ZNF213: variants seen among roughly 807,000 people sequenced by gnomAD.
The protein encoded by ZNF213 is zinc finger protein 213, also known as putative transcription factor CR53.
A neutral mutation model predicts 46.0 loss-of-function variants in ZNF213; 32 were observed. The observed-to-expected ratio is 0.70, with a 90% CI of 0.52 to 0.93. The LOEUF is 0.93. ZNF213 is among the 40% of genes least tolerant of loss of function. ZNF213 has a pLI of 0.00. For missense variants in ZNF213, 639 were observed against 652.8 expected (o/e 0.98, Z 0.23); for synonymous variants, 297 against 271.0 (o/e 1.10, Z -0.94).
At chr16:3,135,880 C>T (rs1312113293) in intron 1 of ZNF213, among the ~76,000 whole-genome samples, 1 of 147,972 alleles carries the variant, frequency 6.8e-6, no homozygotes, top group African/African-American at 2.5e-5. Context: ...ACTCTGTTGC[C>T]CAGGCTGGAG....
rs995781013 is a variant in ZNF213 at position 3,139,044 on chromosome 16, C to T, written c.667C>T (p.Gln223Ter). The T allele has an allele frequency of 4.3e-6, 7 of 1,614,000 alleles. No homozygotes were observed. The highest frequency in any genetic ancestry group is 5.9e-6 in the Non-Finnish European group (7 of 1,180,002). The change falls in exon 5 of 6, where the codon CAG (glutamine) becomes TAG (stop). Residue 223 changes from glutamine (Q) to a stop codon, truncating the protein, a stop_gained. Transcript: ENST00000396878. LOFTEE classifies it high-confidence loss of function. The stretch of plus-strand genomic sequence containing the variant: ...AGAATGGGGCACCCTGGACCCTGCT[C>T]AGCGGGATCTCTTCTGGGACATAAA... ...REEWGTLDPA[Q>*]RDLFWDIKRE... is the part of the protein sequence containing the mutation.
chr16:3,137,818 A>AGTG (rs1957558275), intron 2 of ZNF213, 139 bp downstream of exon 2: 1 of 1,063,722 alleles, frequency 9.4e-7, no homozygotes, highest in Non-Finnish European at 1.3e-6. Context: ...ACACAAGCAC[A>AGTG]GTGTGCCATG....
At chr16:3,135,916 G>A (rs1039720811) in intron 1 of ZNF213, among the ~76,000 whole-genome samples, 4 of 137,244 alleles carry the variant, frequency 2.9e-5, no homozygotes, top group Non-Finnish European at 6.1e-5. Flanking sequence ...ATAGCTCATT[G>A]CAACCTCAAA....
At chr16:3,138,215 G>C (rs767805787) in intron 2 of ZNF213, 3 of 1,040,482 alleles carry the variant, frequency 2.9e-6, no homozygotes, top group South Asian at 1.7e-5. Context: ...TTCTTGCCTC[G>C]TGAATGATCG....
Position 3,138,752 on chromosome 16 carries a change from T to C in ZNF213, c.531T>C (p.Pro177=), listed in dbSNP as rs376310718. The C allele has an allele frequency of 1.9e-6, 3 of 1,614,072 alleles. No homozygotes were observed. Among genetic ancestry groups the C allele is most frequent in the South Asian group, 2.2e-5 (2 of 91,092 alleles). Reference sequence around the variant, plus strand: ...TCCATTCTTCTCCTTCAGCCCAGCCTCCTGCTCTTCTTAAAGAGGGTCGTC... The same window carrying C: ...TCCATTCTTCTCCTTCAGCCCAGCCCCCTGCTCTTCTTAAAGAGGGTCGTC... ...PQEQHSHSAQ[P]PALLKEGRPG... Residue 177 remains proline, a synonymous_variant, in exon 4 of 6, where the codon CCT becomes CCC. Transcript: ENST00000396878.
At position 3,141,379 on chromosome 16, in the gene ZNF213, C is replaced by T; in HGVS notation, c.*32C>T. On this transcript the variant is annotated 3_prime_UTR_variant, in exon 6 of 6. Transcript: ENST00000396878. ...GGCTTGGCCGGAAACCCGGGGGAGG[C>T]CCAGCCACGGCACATCCTGCTTTGT... is the stretch of plus-strand genomic sequence containing the variant. 1 of 1,519,750 alleles carries T rather than the reference C, an allele frequency of 6.6e-7. No individual in the cohort carries two copies. The highest frequency in any genetic ancestry group is 8.8e-7 in the Non-Finnish European group (1 of 1,139,560). The allele number at this position is 1,519,750 out of a possible 1,614,324, so 94.1% of individuals were successfully genotyped here.
intron 5 of ZNF213, chr16:3,139,545 G>T (rs1957579051): frequency 5.6e-6 from 1 of 179,288 alleles, no homozygotes; most frequent in Admixed American, 5.9e-5. Context: ...GCACTTACCA[G>T]GTTCCTCTCC....
At chr16:3,138,887 T>C in intron 4 of ZNF213, 69 bp downstream of exon 4, 1 of 1,613,000 alleles carries the variant, frequency 6.2e-7, no homozygotes, top group Non-Finnish European at 8.5e-7. Context: ...TGGGACTTGC[T>C]GTCCCATCAG....
chr16:3,140,875 C>A lies in ZNF213; in HGVS notation c.908C>A (p.Thr303Asn), dbSNP rs774263199. 2 of 1,575,312 alleles carry A rather than the reference C, an allele frequency of 1.3e-6. No individual in the cohort carries two copies. The highest frequency in any genetic ancestry group is 3.7e-5 in the Admixed American group (2 of 54,636). ...GGCGCGCGACGGGGGCGGCCACCCA[C>A]TCGCCGGCGCCAGTTCCGGGACCTG... The part of the protein sequence containing the change: ...VVGARRGRPP[T>N]RRRQFRDLAA... Residue 303 changes from threonine to asparagine, a missense_variant, in exon 6 of 6, where the codon ACT (threonine) becomes AAT (asparagine). Physicochemically the swap from Thr to Asn is moderately conservative, Grantham distance 65 (BLOSUM62 0). Coordinates refer to ENST00000396878, the MANE Select transcript of ZNF213 (RefSeq NM_004220.3).
chr16:3,138,167 C>T (rs1345931464), intron 2 of ZNF213: 1 of 650,002 alleles, frequency 1.5e-6, no homozygotes, highest in Admixed American at 3.7e-5. Flanking sequence ...CAGCTACCCC[C>T]TTGCTAAGTG....
chr16:3,138,425 C>T lies in ZNF213; in HGVS notation c.407C>T (p.Pro136Leu), dbSNP rs767426672. ...GTTGTGGTTCCTGCACAGGATGTGCCCTCGGAGGAGGCGGAACCCGAGGCT... is the reference window on the plus strand; with the variant it reads ...GTTGTGGTTCCTGCACAGGATGTGCTCTCGGAGGAGGCGGAACCCGAGGCT... ...QPVKAWRQDV[P>L]SEEAEPEAAG... is the part of the protein sequence containing the mutation. Residue 136 changes from proline to leucine, a missense_variant, in exon 3 of 6, where the codon CCC becomes CTC. Coordinates refer to ENST00000396878, the MANE Select transcript of ZNF213 (RefSeq NM_004220.3). The T allele has an allele frequency of 1.2e-6, 2 of 1,613,536 alleles. No individual in the cohort carries two copies. The highest frequency in any genetic ancestry group is 2.2e-5 in the East Asian group (1 of 44,872).
chr16:3,139,208 G>A (rs1957576369), intron 5 of ZNF213, 110 bp downstream of exon 5: 7 of 1,480,956 alleles, frequency 4.7e-6, no homozygotes, highest in Non-Finnish European at 5.4e-6. Flanking sequence ...CTCTCCCTAG[G>A]TCTTGCCAGG....
intron 1 of ZNF213, chr16:3,135,595 A>G (rs1279668277): frequency 6.6e-6 from 1 of 152,186 alleles, no homozygotes; most frequent in Non-Finnish European, 1.5e-5. Flanking sequence ...TAGTGCCGCT[A>G]ATGTCTGTGC....
Position 3,139,070 on chromosome 16 carries a change from GCGGGAGAACTCC to G in ZNF213, c.697_708del (p.Glu233_Arg236del). 1.2e-6 allele frequency: 2 copies of G among 1,614,012 alleles called. No individual in the cohort carries two copies. Among genetic ancestry groups the G allele is most frequent in the Non-Finnish European group, 8.5e-7 (1 of 1,179,998 alleles). On this transcript the variant is annotated inframe_deletion, in exon 5 of 6. Coordinates refer to ENST00000396878, the MANE Select transcript of ZNF213 (RefSeq NM_004220.3). ...AGCGGGATCTCTTCTGGGACATAAA[GCGGGAGAACTCC>G]CGGAACACCACCCTGGGTAAGCACC...
chr16:3,137,707 A>C, intron 2 of ZNF213, 28 bp downstream of exon 2: 1 of 1,607,504 alleles, frequency 6.2e-7, no homozygotes, highest in Non-Finnish European at 8.5e-7. Context: ...ATCCAGGGGC[A>C]CCTGGATGGT....
In ZNF213 at chr16:3,137,609, C is replaced by T. The variant is rs577313773; in HGVS notation, c.329C>T (p.Pro110Leu). 20 of 1,613,922 alleles carry T rather than the reference C, an allele frequency of 1.2e-5. No individual in the cohort carries two copies. The East Asian group carries it at 2.5e-4, about 20-fold the overall frequency. The change falls in exon 2 of 6, where the codon CCG becomes CTG. Residue 110 changes from proline to leucine, a missense_variant. Transcript: ENST00000396878. ...EIQGWVREQH[P>L]GSGEEAVALV... ...CAGGGCTGGGTGCGTGAGCAGCACC[C>T]GGGAAGCGGTGAGGAGGCTGTCGCC... is the stretch of plus-strand genomic sequence containing the variant.
Position 3,135,118 on chromosome 16 carries a change from GGGGGCCGGGGC to G in ZNF213, c.-380_-370del, listed in dbSNP as rs1189080257. On this transcript the variant is annotated 5_prime_UTR_variant, in exon 1 of 6. Coordinates refer to ENST00000396878, the MANE Select transcript of ZNF213 (RefSeq NM_004220.3). ...GTGTTTCGGGGGCGGGGGCGGGGGC[GGGGGCCGGGGC>G]GGGGACGGGGCCTCTGGCCGCCTGG... 6 of 138,118 alleles carry G rather than the reference GGGGGCCGGGGC, an allele frequency of 4.3e-5. No homozygotes were observed. The highest frequency in any genetic ancestry group is 4.3e-4 in the Admixed American group (6 of 13,892). The allele number at this position is 138,118 out of a possible 1,614,324, so 8.6% of individuals were successfully genotyped here.
chr16:3,135,100 G>C lies in ZNF213; in HGVS notation c.-403G>C, dbSNP rs923230207. 3.6e-5 allele frequency: 4 copies of C among 112,502 alleles called. No homozygotes were observed. The highest frequency in any genetic ancestry group is 1.2e-4 in the African/African-American group (4 of 34,488). 7.0% of individuals were successfully genotyped at this position (112,502 alleles called of 1,614,324 possible). On this transcript the variant is annotated 5_prime_UTR_variant, in exon 1 of 6. Coordinates refer to ENST00000396878, the MANE Select transcript of ZNF213 (RefSeq NM_004220.3). ...GGCCGTAGTGGGCGTTGTGTGTTTCGGGGGCGGGGGCGGGGGCGGGGGCCG... is the reference window on the plus strand; with the variant it reads ...GGCCGTAGTGGGCGTTGTGTGTTTCCGGGGCGGGGGCGGGGGCGGGGGCCG...
rs760497379 is a variant in ZNF213 at position 3,137,662 on chromosome 16, G to A, written c.382G>A (p.Val128Met). The change falls in exon 2 of 6, where the codon GTG (valine) becomes ATG (methionine). Residue 128 changes from valine to methionine, a missense_variant. Coordinates refer to ENST00000396878, the MANE Select transcript of ZNF213 (RefSeq NM_004220.3). The stretch of plus-strand genomic sequence containing the variant: ...GGTGGAGGACCTACAGAAGCAGCCA[G>A]TGAAAGCCTGGCGACAGGTGAGGGG... ...ALVEDLQKQP[V>M]KAWRQDVPSE... 5 of 1,613,764 alleles carry A rather than the reference G, an allele frequency of 3.1e-6. No individual in the cohort carries two copies. Among genetic ancestry groups the A allele is most frequent in the African/African-American group, 1.3e-5 (1 of 75,066 alleles).
Sources: allele counts gnomAD v4.1 joint callset (sites outside exome capture counted in the v4.1 genomes callset), GRCh38; gene constraint gnomAD v4.1.1; transcripts MANE v1.5; gene names NCBI Gene and HGNC (gene_info 2026-07-23, HGNC 2026-07-21).